The following CTNNA1 variants were observed in gnomAD, a reference collection of about 807,000 sequenced individuals.
CTNNA1 encodes catenin alpha-1.
A neutral mutation model predicts 98.4 loss-of-function variants in CTNNA1; 37 were observed. That is an observed-to-expected ratio of 0.38 (90% CI 0.29 to 0.49). The LOEUF is 0.49. Ranked by LOEUF, CTNNA1 falls within the 20% of genes least tolerant of loss-of-function variation. The probability of loss-of-function intolerance (pLI) is 0.95; values close to 1 mark genes in which losing one functional copy is unlikely to be tolerated. For missense variants in CTNNA1, 761 were observed against 1,147.2 expected, an observed-to-expected ratio of 0.66 and a Z score of 4.86; for synonymous variants, 404 against 413.2, an observed-to-expected ratio of 0.98 and a Z score of 0.27.
At chr5:138,824,919 C>CAAAA (rs1760489301) in intron 6 of CTNNA1, 120 bp downstream of exon 6, 14 of 899,276 alleles carry the variant, frequency 1.6e-5, no homozygotes, top group Non-Finnish European at 2.2e-5. Flanking sequence ...GATCTTTAAT[C>CAAAA]TAAGTCAAAA....
intron 13 of CTNNA1, among the ~76,000 whole-genome samples, chr5:138,925,924 C>T (rs1050325045): frequency 2.0e-5 from 3 of 152,126 alleles, no homozygotes; most frequent in Non-Finnish European, 2.9e-5. Flanking sequence ...GGGCCTCTGT[C>T]GCAGGGGCAG....
Position 138,930,753 on chromosome 5 carries a change from G to A in CTNNA1, c.2193-77G>A, listed in dbSNP as rs1219739122. The stretch of plus-strand genomic sequence containing the variant: ...CAGACAGCCCAGGCCATGGGGCTTT[G>A]TGGACAATCTTCTTTTTCTACTCCA... On this transcript the variant is annotated intron_variant, in intron 15 of 17. Coordinates refer to ENST00000302763, the MANE Select transcript of CTNNA1 (RefSeq NM_001903.5). 2.0e-6 allele frequency: 3 copies of A among 1,531,802 alleles called. No individual in the cohort carries two copies. In the African/African-American group the frequency reaches 4.1e-5, roughly 21 times the overall value. 94.9% of individuals were successfully genotyped at this position (1,531,802 alleles called of 1,614,324 possible).
intron 2 of CTNNA1, chr5:138,782,317 C>T (rs1465440691): frequency 2.0e-6 from 1 of 505,300 alleles, no homozygotes; most frequent in Admixed American, 2.3e-5. Flanking sequence ...AGAGGGGAAA[C>T]CCAAGAAAGG....
At chr5:138,871,926 G>C (rs1750681279) in intron 7 of CTNNA1, 1 of 151,802 alleles carries the variant, frequency 6.6e-6, no homozygotes, top group Non-Finnish European at 1.5e-5. Context: ...TTTTTAACTT[G>C]GCTCTTTGAG....
intron 5 of CTNNA1, among the ~76,000 whole-genome samples, chr5:138,823,956 CAAAAAAAAAAAAAAAA>C (rs369653057): frequency 1.1e-4 from 7 of 64,392 alleles, no homozygotes; most frequent in Non-Finnish European, 2.1e-4. Flanking sequence ...GACTCCGTCT[CAAAAAAAAAAAAAAAA>C]AAAAAAAAAA....
chr5:138,764,984 C>G (rs1481827662), intron 1 of CTNNA1, among the ~76,000 whole-genome samples: 1 of 144,094 alleles, frequency 6.9e-6, no homozygotes, highest in African/African-American at 2.6e-5. Flanking sequence ...AGCGATTCTT[C>G]TGCCTCAGCC....
At chr5:138,867,095 G>A (rs1764855011) in intron 7 of CTNNA1, among the ~76,000 whole-genome samples, 1 of 152,182 alleles carries the variant, frequency 6.6e-6, no homozygotes. Flanking sequence ...ATGTTAATAA[G>A]CTCTGCTTTT....
At chr5:138,900,819 G>C (rs1561690332) in intron 9 of CTNNA1, among the ~76,000 whole-genome samples, 1 of 152,114 alleles carries the variant, frequency 6.6e-6, no homozygotes, top group Non-Finnish European at 1.5e-5. Context: ...CAAAACCCAA[G>C]GCCGATTGTT....
At chr5:138,788,198 C>T (rs1352665034) in intron 3 of CTNNA1, among the ~76,000 whole-genome samples, 1 of 152,118 alleles carries the variant, frequency 6.6e-6, no homozygotes, top group East Asian at 1.9e-4. Flanking sequence ...TTCCTCTCTA[C>T]GCTCCAGCAG....
At chr5:138,884,348 A>G (rs1253672812) in intron 7 of CTNNA1, among the ~76,000 whole-genome samples, 1 of 152,214 alleles carries the variant, frequency 6.6e-6, no homozygotes. Flanking sequence ...TGAAGCCTCC[A>G]GGTAGTAGGC....
intron 7 of CTNNA1, among the ~76,000 whole-genome samples, chr5:138,843,351 C>T (rs1762427303): frequency 6.6e-6 from 1 of 151,984 alleles, no homozygotes; most frequent in African/African-American, 2.4e-5. Flanking sequence ...ATGTCATCAC[C>T]ATGATGGTTA....
At chr5:138,905,128 A>G (rs1426840380) in intron 10 of CTNNA1, among the ~76,000 whole-genome samples, 1 of 151,282 alleles carries the variant, frequency 6.6e-6, no homozygotes, top group South Asian at 2.1e-4. Flanking sequence ...ACATACATAC[A>G]TAAATACAAA....
chr5:138,778,190 T>C (rs1754620469), intron 1 of CTNNA1, among the ~76,000 whole-genome samples: 1 of 151,740 alleles, frequency 6.6e-6, no homozygotes, highest in Non-Finnish European at 1.5e-5. Context: ...GAGACGGGGT[T>C]TCACAGTGTT....
chr5:138,925,807 C>A (rs545608257), intron 13 of CTNNA1, among the ~76,000 whole-genome samples: 2 of 152,178 alleles, frequency 1.3e-5, no homozygotes, highest in Non-Finnish European at 2.9e-5. Context: ...TGCAGGCAGA[C>A]GGGATGATGG....
intron 1 of CTNNA1, among the ~76,000 whole-genome samples, chr5:138,775,598 A>C (rs1311177197): frequency 6.6e-6 from 1 of 152,126 alleles, no homozygotes; most frequent in Non-Finnish European, 1.5e-5. Context: ...TGTTTAATTC[A>C]GTACCCATAG....
intron 10 of CTNNA1, among the ~76,000 whole-genome samples, chr5:138,915,910 G>A (rs767471614): frequency 1.3e-5 from 2 of 152,098 alleles, no homozygotes; most frequent in East Asian, 1.9e-4. Flanking sequence ...TTAGCCTGGC[G>A]TGGTGGCACA....
chr5:138,913,458 C>T (rs931413721), intron 10 of CTNNA1, among the ~76,000 whole-genome samples: 1 of 152,002 alleles, frequency 6.6e-6, no homozygotes, highest in Non-Finnish European at 1.5e-5. Context: ...GTGGCACACA[C>T]CTGTAATCCC....
At chr5:138,822,958 G>A (rs758863426) in intron 5 of CTNNA1, among the ~76,000 whole-genome samples, 3 of 152,160 alleles carry the variant, frequency 2.0e-5, no homozygotes, top group Non-Finnish European at 2.9e-5. Flanking sequence ...ATGGCTAATT[G>A]AGTAATTGAC....
In CTNNA1 at chr5:138,873,643, A is replaced by G; in HGVS notation, c.1063-12569A>G. ...ATTCCCACAGATTGCCAGAGAGACCAACGGTTGTGAGGGATCTCAGGGAGT... is the reference window on the plus strand; with the variant it reads ...ATTCCCACAGATTGCCAGAGAGACCGACGGTTGTGAGGGATCTCAGGGAGT... On this transcript the variant is annotated intron_variant, in intron 7 of 17. Transcript: ENST00000302763. The surrounding 1 kb of genome is among the most constrained non-coding windows in gnomAD (Gnocchi z 6.1). 1 of 1,614,078 alleles carries G rather than the reference A, an allele frequency of 6.2e-7. No individual in the cohort carries two copies. Among genetic ancestry groups the G allele is most frequent in the Non-Finnish European group, 8.5e-7 (1 of 1,179,908 alleles).
Sources: allele counts gnomAD v4.1 joint callset (sites outside exome capture counted in the v4.1 genomes callset), GRCh38; gene constraint gnomAD v4.1.1; non-coding constraint Gnocchi (gnomAD v3.1); transcripts MANE v1.5; gene names NCBI Gene and HGNC (gene_info 2026-07-23, HGNC 2026-07-21).